Variants in THAP4 observed in about 807,000 individuals in gnomAD.
THAP4 encodes the protein peroxynitrite isomerase THAP4.
Under a neutral mutation model 48.1 loss-of-function variants are expected in THAP4, and 18 were observed. The ratio of observed to expected loss-of-function variants is 0.37; its 90% CI spans 0.26 to 0.56. The LOEUF (loss-of-function observed/expected upper bound fraction) is 0.56, where lower values mean the gene tolerates loss of function less well. Ranked by LOEUF, THAP4 falls within the 20% of genes least tolerant of loss-of-function variation. The pLI, the probability that THAP4 is intolerant of heterozygous loss-of-function variation, is 0.78. For missense variants in THAP4, 656 were observed against 774.9 expected, an observed-to-expected ratio of 0.85 and a Z score of 1.82; for synonymous variants, 345 against 324.9, an observed-to-expected ratio of 1.06 and a Z score of -0.66.
Position 241,632,907 on chromosome 2 carries a change from C to T in THAP4, c.1240+10G>A, listed in dbSNP as rs370517294. On this transcript the variant is annotated intron_variant, in intron 2 of 5. Transcript: ENST00000407315. Reference sequence around the variant, plus strand: ...AAGGGAACATGGGTACGCGAGGCTCCGGTACTGACCGCGGCTGGGCGACAG... The same window carrying T: ...AAGGGAACATGGGTACGCGAGGCTCTGGTACTGACCGCGGCTGGGCGACAG... 98 of 1,582,392 alleles carry T rather than the reference C, an allele frequency of 6.2e-5. 1 individual carries two copies. The highest frequency in any genetic ancestry group is 4.6e-4 in the Admixed American group (26 of 56,094).
chr2:241,620,665 T>C (rs1049124200), intron 2 of THAP4, among the ~76,000 whole-genome samples: 2 of 151,490 alleles, frequency 1.3e-5, no homozygotes, highest in Non-Finnish European at 2.9e-5. Flanking sequence ...AGTCGGTGAC[T>C]GAGGCAGTGA....
Position 241,636,931 on chromosome 2 carries a change from G to T in THAP4, c.77+10C>A. 1 of 1,250,792 alleles carries T rather than the reference G, an allele frequency of 8.0e-7. No homozygotes were observed. The highest frequency in any genetic ancestry group is 1.0e-6 in the Non-Finnish European group (1 of 973,134). 77.5% of individuals were successfully genotyped at this position (1,250,792 alleles called of 1,614,324 possible). A position where few individuals can be genotyped will look rare whatever the true frequency, so the allele number is the denominator to read the frequency against. ...CGGGGCGGGGGCGTGGCGGCCCGGG[G>T]CCCGCGTACCTGTGGAAGGAGACGG... On this transcript the variant is annotated intron_variant, in intron 1 of 5. Transcript: ENST00000407315.
At position 241,612,722 on chromosome 2, in the gene THAP4, C is replaced by T. The variant is rs141684860; in HGVS notation, c.1241-6249G>A. Reference sequence around the variant, plus strand: ...GAAAGGTGCAGAACACACACATCTACAGAGACAGAACGTGGGTCAGTGTTT... The same window carrying T: ...GAAAGGTGCAGAACACACACATCTATAGAGACAGAACGTGGGTCAGTGTTT... On this transcript the variant is annotated intron_variant, in intron 2 of 5. Transcript: ENST00000407315. This position sits in a 1 kb window ranked among gnomAD's most constrained non-coding sequence, Gnocchi z 4.1. 5.4e-4 allele frequency among the ~76,000 whole-genome samples: 82 copies of T among 152,342 alleles called. 1 individual carries two copies. In the Middle Eastern group the frequency reaches 0.02, roughly 38 times the overall value.
Position 241,603,075 on chromosome 2 carries a change from T to C in THAP4, c.1405A>G (p.Asn469Asp). 1.2e-6 allele frequency: 2 copies of C among 1,613,664 alleles called. No individual in the cohort carries two copies. The highest frequency in any genetic ancestry group is 1.7e-6 in the Non-Finnish European group (2 of 1,179,712). The part of the protein sequence containing the change: ...VGQPMLNFSF[N>D]SFHPDTRKPM... Reference sequence around the variant, plus strand: ...TTGCGCGTGTCCGGGTGGAAGGAGTTGAACCTGGACGGGAAGTTGGAGTTG... The same window carrying C: ...TTGCGCGTGTCCGGGTGGAAGGAGTCGAACCTGGACGGGAAGTTGGAGTTG... The change falls in exon 4 of 6, where the codon AAC (asparagine) becomes GAC (aspartate). Residue 469 changes from asparagine (N) to aspartate (D), a missense_variant. Asn to Asp is a conservative substitution (Grantham distance 23, BLOSUM62 1). Around this residue, in one of 4 missense-constraint regions of THAP4, gnomAD observed 176 missense variants for 256.7 expected, o/e 0.69. Transcript: ENST00000407315.
chr2:241,605,412 A>T (rs1450464965), intron 3 of THAP4, among the ~76,000 whole-genome samples: 1 of 152,148 alleles, frequency 6.6e-6, no homozygotes, highest in Non-Finnish European at 1.5e-5. Flanking sequence ...TTTAAACTTT[A>T]AAAAAACTGT....
chr2:241,635,877 G>C (rs1328811279), intron 1 of THAP4, among the ~76,000 whole-genome samples: 1 of 152,144 alleles, frequency 6.6e-6, no homozygotes, highest in Admixed American at 6.5e-5. Flanking sequence ...TGTGGACCAG[G>C]ACAAATCCTA....
At position 241,601,631 on chromosome 2, in the gene THAP4, C is replaced by T. The variant is rs955797446; in HGVS notation, c.1614+265G>A. On this transcript the variant is annotated intron_variant, in intron 5 of 5. Coordinates refer to ENST00000407315, the MANE Select transcript of THAP4 (RefSeq NM_015963.6). This position sits in a 1 kb window ranked among gnomAD's most constrained non-coding sequence, Gnocchi z 4.0. ...CAATAGATATGGATATATCTGTAAA[C>T]GTGGACAACCCAAATGCAAAAGGAT... 7.2e-5 allele frequency among the ~76,000 whole-genome samples: 11 copies of T among 152,116 alleles called. No individual in the cohort carries two copies. Among genetic ancestry groups the T allele is most frequent in the Admixed American group, 1.3e-4 (2 of 15,276 alleles).
At chr2:241,637,199 C>G, upstream of THAP4, 2 of 986,342 alleles carry the variant, frequency 2.0e-6, no homozygotes, top group South Asian at 4.6e-5. Flanking sequence ...CCCGCCCCAG[C>G]CCCCGCCCGC....
intron 2 of THAP4, among the ~76,000 whole-genome samples, chr2:241,626,483 CA>C (rs1478703790): frequency 6.6e-6 from 1 of 151,226 alleles, no homozygotes; most frequent in Non-Finnish European, 1.5e-5. Flanking sequence ...AAACAAAAAC[CA>C]AAAAACAACA....
chr2:241,626,586 C>T (rs553267813), intron 2 of THAP4, among the ~76,000 whole-genome samples: 13 of 150,568 alleles, frequency 8.6e-5, no homozygotes, highest in African/African-American at 2.4e-4. Flanking sequence ...TTTTTTTAGA[C>T]GGAGTCTCGC....
In THAP4 at chr2:241,584,475, T is replaced by G. The variant is rs1397212254; in HGVS notation, c.*131A>C. ...GTTTTTCTATGCCAGTACAGAAACA[T>G]CTGGACAACACTCTTGAGCCTGCAG... On this transcript the variant is annotated 3_prime_UTR_variant, in exon 6 of 6. Coordinates refer to ENST00000407315, the MANE Select transcript of THAP4 (RefSeq NM_015963.6). 7.2e-6 allele frequency: 7 copies of G among 977,280 alleles called. No individual in the cohort carries two copies. Among genetic ancestry groups the G allele is most frequent in the African/African-American group, 1.6e-5 (1 of 61,210 alleles). 60.5% of individuals were successfully genotyped at this position (977,280 alleles called of 1,614,324 possible). A position where few individuals can be genotyped will look rare whatever the true frequency, so the allele number is the denominator to read the frequency against.
Position 241,633,786 on chromosome 2 carries a change from G to A in THAP4, c.371C>T (p.Ala124Val). The stretch of plus-strand genomic sequence containing the variant: ...ACTCGAGGACGGTGACCAACCTGCA[G>A]CTCCTCTGCTGGTGGCGGCACTCGA... ...GHSSAATSRG[A>V]AGWSPSSSGN... Residue 124 changes from alanine (A) to valine (V), a missense_variant, in exon 2 of 6, where the codon GCT (alanine) becomes GTT (valine). Transcript: ENST00000407315. This position sits in a 1 kb window ranked among gnomAD's most constrained non-coding sequence, Gnocchi z 7.5. 6.2e-7 allele frequency: 1 copy of A among 1,613,688 alleles called. No individual in the cohort carries two copies.
chr2:241,593,075 C>T (rs1462931003), intron 5 of THAP4, among the ~76,000 whole-genome samples: 1 of 152,040 alleles, frequency 6.6e-6, no homozygotes, highest in East Asian at 1.9e-4. Context: ...AGTCCCCCAT[C>T]TCTATTAAAA....
Position 241,633,880 on chromosome 2 carries a change from C to A in THAP4, c.277G>T (p.Gly93Trp). ...CGGGTGCGGCCATGGCCTCCAGCCCCCCTCTTCTTCTCGGTCAGGTGGAAG... is the reference window on the plus strand; with the variant it reads ...CGGGTGCGGCCATGGCCTCCAGCCCACCTCTTCTTCTCGGTCAGGTGGAAG... ...SIFHLTEKKR[G>W]AGGHGRTRRK... The change falls in exon 2 of 6, where the codon GGG (glycine) becomes TGG (tryptophan). Residue 93 changes from glycine to tryptophan, a missense_variant. By Grantham distance (184) the Gly-to-Trp change is radical (BLOSUM62 -2). This residue lies in a region of THAP4 where 391 missense variants were observed against 412.4 expected (regional missense o/e 0.95). Transcript: ENST00000407315. The surrounding 1 kb of genome is among the most constrained non-coding windows in gnomAD (Gnocchi z 7.5). 2 of 1,614,044 alleles carry A rather than the reference C, an allele frequency of 1.2e-6. No individual in the cohort carries two copies. Among genetic ancestry groups the A allele is most frequent in the Non-Finnish European group, 1.7e-6 (2 of 1,179,960 alleles).
In THAP4 at chr2:241,602,015, AG is replaced by A; in HGVS notation, c.1511-17del. On this transcript the variant is annotated splice_polypyrimidine_tract_variant and intron_variant, in intron 4 of 5. Coordinates refer to ENST00000407315, the MANE Select transcript of THAP4 (RefSeq NM_015963.6). ...TCCACCACGCCTGCAAGGGAAGGGC[AG>A]TCAGCTCACCCAGCAGCTGCTCGGC... 1 of 1,608,448 alleles carries A rather than the reference AG, an allele frequency of 6.2e-7. No individual in the cohort carries two copies. Among genetic ancestry groups the A allele is most frequent in the Non-Finnish European group, 8.5e-7 (1 of 1,178,032 alleles).
chr2:241,618,525 G>A (rs935549370), intron 2 of THAP4, among the ~76,000 whole-genome samples: 5 of 152,160 alleles, frequency 3.3e-5, no homozygotes, highest in Non-Finnish European at 7.3e-5. Flanking sequence ...AAGAGCTTAG[G>A]AGTCATATAC....
chr2:241,599,476 C>T (rs971674578), intron 5 of THAP4, among the ~76,000 whole-genome samples: 1 of 152,014 alleles, frequency 6.6e-6, no homozygotes, highest in Non-Finnish European at 1.5e-5. Context: ...ACACAATTAT[C>T]AATAATCAAT....
intron 5 of THAP4, among the ~76,000 whole-genome samples, chr2:241,589,167 C>G (rs1192095942): frequency 6.8e-6 from 1 of 147,206 alleles, no homozygotes; most frequent in African/African-American, 2.5e-5. Context: ...GAGCTGAGAT[C>G]AGGCCATTGC....
chr2:241,609,792 A>AG (rs2067240395), intron 2 of THAP4, among the ~76,000 whole-genome samples: 1 of 151,818 alleles, frequency 6.6e-6, no homozygotes, highest in South Asian at 2.1e-4. Context: ...CAAAAAAAAA[A>AG]AAAGAAAGAA....
Sources: allele counts gnomAD v4.1 joint callset (sites outside exome capture counted in the v4.1 genomes callset), GRCh38; gene constraint gnomAD v4.1.1; regional missense constraint gnomAD v4.1.1; non-coding constraint Gnocchi (gnomAD v3.1); transcripts MANE v1.5; gene names NCBI Gene and HGNC (gene_info 2026-07-23, HGNC 2026-07-21).